Variants in RGS7 observed in about 807,000 individuals in gnomAD.
The protein encoded by RGS7 is regulator of G protein signaling 7.
RGS7 carries 27 observed loss-of-function variants against 81.1 expected under a neutral mutation model. The observed-to-expected ratio is 0.33, with a 90% confidence interval of 0.25 to 0.46. RGS7 has a LOEUF of 0.46. RGS7 is among the 20% of genes least tolerant of loss of function. RGS7 has a pLI of 1.00. For missense variants in RGS7, 396 were observed against 607.4 expected, an observed-to-expected ratio of 0.65 and a Z score of 3.66; for synonymous variants, 208 against 207.7, an observed-to-expected ratio of 1.00 and a Z score of -0.01.
chr1:241,004,014 C>A (rs1035471047), intron 3 of RGS7, among the ~76,000 whole-genome samples: 3 of 152,152 alleles, frequency 2.0e-5, no homozygotes, highest in Non-Finnish European at 4.4e-5. Flanking sequence ...CCGTGCCCGG[C>A]CACTCACCTG....
intron 2 of RGS7, among the ~76,000 whole-genome samples, chr1:241,136,954 A>T (rs767194847): frequency 6.6e-6 from 1 of 152,148 alleles, no homozygotes; most frequent in African/African-American, 2.4e-5. Flanking sequence ...TCATCATTGG[A>T]TGATGCCTAC....
chr1:240,882,750 T>C (rs902220905), intron 6 of RGS7, among the ~76,000 whole-genome samples: 1 of 152,166 alleles, frequency 6.6e-6, no homozygotes, highest in African/African-American at 2.4e-5. Context: ...TTAAGAACTG[T>C]TATTGTCATT....
intron 4 of RGS7, among the ~76,000 whole-genome samples, chr1:240,981,245 G>A (rs1254087087): frequency 6.6e-6 from 1 of 152,040 alleles, no homozygotes; most frequent in Non-Finnish European, 1.5e-5. Context: ...AAGTAACTGG[G>A]ACTACATGTG....
chr1:240,864,840 T>C (rs1662932499), intron 9 of RGS7, among the ~76,000 whole-genome samples: 1 of 152,172 alleles, frequency 6.6e-6, no homozygotes, highest in Non-Finnish European at 1.5e-5. Flanking sequence ...GGTTGGGACC[T>C]CAGAACTGAA....
In RGS7 at chr1:241,054,257, A is replaced by C. The variant is rs555835051; in HGVS notation, c.175+44409T>G. Among the ~76,000 whole-genome samples, 3 of 152,346 alleles carry C rather than the reference A, an allele frequency of 2.0e-5. No individual in the cohort carries two copies. In the South Asian group the frequency reaches 6.2e-4, roughly 32 times the overall value. On this transcript the variant is annotated intron_variant, in intron 3 of 18. Coordinates refer to ENST00000440928, the MANE Select transcript of RGS7 (RefSeq NM_001364886.1). ...TGATAGTTCAGCAGAGGAGAAGACC[A>C]GTGTGCAACAGAAGAGTCAGAGGGA...
intron 2 of RGS7, chr1:241,186,618 G>A (rs2072142087): frequency 6.4e-6 from 1 of 155,732 alleles, no homozygotes; most frequent in Non-Finnish European, 1.4e-5. Flanking sequence ...CCGCCTCCCA[G>A]GTTCAAACAA....
intron 2 of RGS7, among the ~76,000 whole-genome samples, chr1:241,278,740 T>G (rs1343861323): frequency 6.6e-6 from 1 of 152,212 alleles, no homozygotes; most frequent in Non-Finnish European, 1.5e-5. Context: ...ATCTACGTTC[T>G]GTTGGCTTTG....
chr1:240,934,758 C>T (rs1277173528), intron 5 of RGS7, among the ~76,000 whole-genome samples: 1 of 151,970 alleles, frequency 6.6e-6, no homozygotes, highest in East Asian at 1.9e-4. Flanking sequence ...CTCTGTCTAT[C>T]CCTAGTAGTT....
At chr1:241,092,508 A>G (rs2063951869) in intron 3 of RGS7, among the ~76,000 whole-genome samples, 2 of 152,180 alleles carry the variant, frequency 1.3e-5, no homozygotes, top group African/African-American at 2.4e-5. Flanking sequence ...AGACTTATGG[A>G]TTTCATTTAC....
At chr1:240,998,300 C>T (rs1366210724) in intron 3 of RGS7, among the ~76,000 whole-genome samples, 1 of 151,878 alleles carries the variant, frequency 6.6e-6, no homozygotes, top group East Asian at 1.9e-4. Context: ...TTTCGTTGGG[C>T]TTATTTATCC....
At chr1:241,139,701 T>A (rs1235147309) in intron 2 of RGS7, among the ~76,000 whole-genome samples, 1 of 152,188 alleles carries the variant, frequency 6.6e-6, no homozygotes, top group Non-Finnish European at 1.5e-5. Context: ...TTGTTCTGAG[T>A]GTTTAGTGGT....
At chr1:241,026,691 C>T (rs1018130517) in intron 3 of RGS7, among the ~76,000 whole-genome samples, 5 of 151,988 alleles carry the variant, frequency 3.3e-5, no homozygotes, top group Non-Finnish European at 7.4e-5. Flanking sequence ...TCTGGGGGTA[C>T]TTACATTACA....
At chr1:241,081,182 A>G (rs1037024729) in intron 3 of RGS7, among the ~76,000 whole-genome samples, 2 of 152,140 alleles carry the variant, frequency 1.3e-5, no homozygotes, top group African/African-American at 4.8e-5. Flanking sequence ...ATTATTTTCT[A>G]TGTGGGTCAA....
chr1:241,133,374 C>CA (rs796217186), intron 2 of RGS7, among the ~76,000 whole-genome samples: 129 of 132,340 alleles, frequency 9.7e-4, no homozygotes, highest in Middle Eastern at 3.8e-3. Flanking sequence ...AGTCTAAGGG[C>CA]AAAAAAAAAA....
chr1:241,093,147 G>A (rs187005412), intron 3 of RGS7, among the ~76,000 whole-genome samples: 5 of 151,868 alleles, frequency 3.3e-5, no homozygotes, highest in Admixed American at 6.6e-5. Context: ...GTACAATTTC[G>A]CAGAAATCAC....
At chr1:241,017,225 T>C (rs1412901091) in intron 3 of RGS7, among the ~76,000 whole-genome samples, 1 of 152,082 alleles carries the variant, frequency 6.6e-6, no homozygotes, top group Non-Finnish European at 1.5e-5. Context: ...GTGGATTGCT[T>C]GAGGTTAGGA....
intron 2 of RGS7, among the ~76,000 whole-genome samples, chr1:241,326,234 C>G (rs931819590): frequency 7.2e-5 from 11 of 152,172 alleles, no homozygotes; most frequent in Non-Finnish European, 8.8e-5. Flanking sequence ...TCCTGGGACC[C>G]TGGTTGCGTA....
intron 12 of RGS7, among the ~76,000 whole-genome samples, chr1:240,814,408 G>A (rs1222564331): frequency 4.6e-5 from 7 of 152,180 alleles, no homozygotes; most frequent in African/African-American, 1.7e-4. Context: ...TAAATGGAAA[G>A]TTTCATGTCT....
At position 240,862,745 on chromosome 1, in the gene RGS7, C is replaced by G. The variant is rs571814558; in HGVS notation, c.609+5842G>C. Among the ~76,000 whole-genome samples the G allele has an allele frequency of 2.0e-5, 3 of 152,164 alleles. No homozygotes were observed. In the South Asian group the frequency reaches 6.2e-4, roughly 32 times the overall value. ...TAACTTAAAAGTCTTTCAGTTAGAT[C>G]GTGTCACAGATCTGTGATATTTAAG... On this transcript the variant is annotated intron_variant, in intron 9 of 18. Transcript: ENST00000440928.
Sources: gnomAD v4.1 joint callset for allele counts (sites outside exome capture counted in the v4.1 genomes callset) on GRCh38, gnomAD v4.1.1 for gene constraint, MANE v1.5 for transcripts, NCBI Gene and HGNC (gene_info 2026-07-23, HGNC 2026-07-21) for gene names.